The following REDIC1 variants were observed in gnomAD, a reference collection of about 807,000 sequenced individuals.
REDIC1 encodes HEI10 Interacting Protein 1.
At chr12:39,819,789 G>C in the REDIC1 span, 3 of 152,642 alleles carry the variant, frequency 2.0e-5, no homozygotes, top group South Asian at 2.1e-4. Flanking sequence ...AAGGATAAAT[G>C]CTCCTTTCAA....
chr12:39,782,601 G>C, the REDIC1 span, among the ~76,000 whole-genome samples: 1 of 152,070 alleles, frequency 6.6e-6, no homozygotes, highest in African/African-American at 2.4e-5. Context: ...ACAGTAAATT[G>C]GTACAAGTAG....
chr12:39,877,133 A>G, the REDIC1 span, among the ~76,000 whole-genome samples: 3 of 152,172 alleles, frequency 2.0e-5, no homozygotes, highest in Non-Finnish European at 4.4e-5. Flanking sequence ...TTGTATACTC[A>G]AAAACAAGGA....
At chr12:39,648,361 A>G in the REDIC1 span, among the ~76,000 whole-genome samples, 1 of 151,840 alleles carries the variant, frequency 6.6e-6, no homozygotes, top group African/African-American at 2.4e-5. Flanking sequence ...AGCAATATAC[A>G]GTTTCAGAGA....
At chr12:39,704,240 C>A in the REDIC1 span, among the ~76,000 whole-genome samples, 8 of 151,956 alleles carry the variant, frequency 5.3e-5, no homozygotes, top group African/African-American at 1.2e-4. Flanking sequence ...AAAAAAACAA[C>A]CCCATCAAAA....
chr12:39,869,381 A>G, the REDIC1 span, among the ~76,000 whole-genome samples: 1 of 152,184 alleles, frequency 6.6e-6, no homozygotes, highest in Non-Finnish European at 1.5e-5. Flanking sequence ...TGTACAGGTA[A>G]AAGAGGAGAC....
At chr12:39,707,378 T>G in the REDIC1 span, among the ~76,000 whole-genome samples, 1 of 151,884 alleles carries the variant, frequency 6.6e-6, no homozygotes, top group Non-Finnish European at 1.5e-5. Context: ...GATGAGGATA[T>G]GGAGAAAGGG....
At chr12:39,657,000 T>G in the REDIC1 span, among the ~76,000 whole-genome samples, 5 of 152,142 alleles carry the variant, frequency 3.3e-5, no homozygotes, top group African/African-American at 1.2e-4. Context: ...TGAAAGAAAT[T>G]TTTAAAAATA....
the REDIC1 span, among the ~76,000 whole-genome samples, chr12:39,886,590 G>A: frequency 1.3e-5 from 2 of 151,844 alleles, no homozygotes; most frequent in Non-Finnish European, 2.9e-5. Flanking sequence ...GAATTAGGGA[G>A]ATATTTCTGA....
At chr12:39,832,279 T>A in the REDIC1 span, among the ~76,000 whole-genome samples, 2 of 152,164 alleles carry the variant, frequency 1.3e-5, no homozygotes, top group East Asian at 3.9e-4. Flanking sequence ...TGTTTTGTAT[T>A]CTGCCCATAT....
the REDIC1 span, among the ~76,000 whole-genome samples, chr12:39,722,225 T>G: frequency 6.6e-6 from 1 of 152,118 alleles, no homozygotes; most frequent in East Asian, 1.9e-4. Context: ...CATTGCAATT[T>G]GGAGACACCA....
At chr12:39,779,469 T>A in the REDIC1 span, among the ~76,000 whole-genome samples, 1 of 152,208 alleles carries the variant, frequency 6.6e-6, no homozygotes, top group Non-Finnish European at 1.5e-5. Flanking sequence ...ACACCATACC[T>A]ATTATCTTCC....
chr12:39,741,281 G>A, the REDIC1 span, among the ~76,000 whole-genome samples: 2 of 152,028 alleles, frequency 1.3e-5, no homozygotes, highest in African/African-American at 4.8e-5. Flanking sequence ...ACTGGACATG[G>A]GTCAGTTCCT....
chr12:39,764,928 A>G, the REDIC1 span: 6 of 1,517,058 alleles, frequency 4.0e-6, no homozygotes, highest in Non-Finnish European at 5.4e-6. Flanking sequence ...CAATATGATC[A>G]TATTTATGTA....
the REDIC1 span, among the ~76,000 whole-genome samples, chr12:39,704,399 A>G: frequency 2.0e-3 from 304 of 152,160 alleles, no homozygotes; most frequent in Non-Finnish European, 2.2e-3. Context: ...TTAGAATGGC[A>G]ATCATTAAAA....
chr12:39,859,796 G>A, the REDIC1 span, among the ~76,000 whole-genome samples: 1 of 152,142 alleles, frequency 6.6e-6, no homozygotes, highest in Non-Finnish European at 1.5e-5. Context: ...AAAGTGCTGG[G>A]ATTACACGCC....
chr12:39,892,335 T>A, the REDIC1 span, among the ~76,000 whole-genome samples: 1 of 152,170 alleles, frequency 6.6e-6, no homozygotes, highest in African/African-American at 2.4e-5. Context: ...GACTTGTGTG[T>A]GTGTGTGTTT....
the REDIC1 span, among the ~76,000 whole-genome samples, chr12:39,854,477 G>T: frequency 6.6e-6 from 1 of 152,048 alleles, no homozygotes; most frequent in Non-Finnish European, 1.5e-5. Context: ...CTGCCCAAAC[G>T]CCTTTTCCCT....
chr12:39,845,182 T>C, the REDIC1 span, among the ~76,000 whole-genome samples: 1 of 152,026 alleles, frequency 6.6e-6, no homozygotes, highest in Non-Finnish European at 1.5e-5. Context: ...TATGTTGATA[T>C]AAAATATAGG....
At chr12:39,813,843 C>A in the REDIC1 span, among the ~76,000 whole-genome samples, 3 of 152,132 alleles carry the variant, frequency 2.0e-5, no homozygotes, top group Non-Finnish European at 4.4e-5. Context: ...CTGAACAGAA[C>A]CCCTACACAG....
Sources: gnomAD v4.1 joint callset for allele counts (sites outside exome capture counted in the v4.1 genomes callset) on GRCh38, gnomAD v4.1.1 for gene constraint, MANE v1.5 for transcripts, NCBI Gene and HGNC (gene_info 2026-07-23, HGNC 2026-07-21) for gene names.